Variants in MMEL1 observed in about 807,000 individuals in gnomAD.
MMEL1 encodes membrane metalloendopeptidase like 1, also known as membrane metallo-endopeptidase-like 1.
Under a neutral mutation model 117.1 loss-of-function variants are expected in MMEL1, and 98 were observed. The ratio of observed to expected loss-of-function variants is 0.84; its 90% CI spans 0.71 to 0.99. MMEL1 has a LOEUF of 0.99. MMEL1 is among the 50% of genes least tolerant of loss of function. MMEL1 has a pLI of 0.00. For missense variants in MMEL1, 1,014 were observed against 1,049.1 expected (o/e 0.97, Z 0.46); for synonymous variants, 390 against 415.1 (o/e 0.94, Z 0.74).
At chr1:2,594,971 G>A in intron 16 of MMEL1, 78 bp from the exon 17 acceptor site, 3 of 1,272,076 alleles carry the variant, frequency 2.4e-6, no homozygotes, top group Non-Finnish European at 3.4e-6. Flanking sequence ...CTGGGTGGTT[G>A]GGGAAGGACC....
chr1:2,626,566 A>C (rs2100966578), intron 2 of MMEL1, among the ~76,000 whole-genome samples: 1 of 152,392 alleles, frequency 6.6e-6, no homozygotes, highest in Non-Finnish European at 1.5e-5. Context: ...ATACAAAAAG[A>C]AGCAAGGGGC....
rs375267916 is a variant in MMEL1, at chr1:2,606,237, G to T, written c.750+11C>A. 1.2e-6 allele frequency: 2 copies of T among 1,609,266 alleles called. No individual in the cohort carries two copies. Among genetic ancestry groups the T allele is most frequent in the Admixed American group, 3.3e-5 (2 of 60,016 alleles). ...ACCCTGCCTACCCCTGCCCACCGGC[G>T]CGGCTCGTACGTAGATGATGTGCCG... On this transcript the variant is annotated intron_variant, in intron 8 of 23. Transcript: ENST00000378412.
chr1:2,596,654 C>T lies in MMEL1; in HGVS notation c.1308G>A (p.Trp436Ter), dbSNP rs1463695259. Residue 436 changes from tryptophan (W) to a stop codon, truncating the protein, a stop_gained, in exon 14 of 24, where the codon TGG becomes TGA. Transcript: ENST00000378412. LOFTEE classifies it high-confidence loss of function. The part of the protein sequence containing the change: ...LFGTMVEEVR[W>*]RECVGYVNSN... The stretch of plus-strand genomic sequence containing the variant: ...TGTTGACGTAGCCCACACATTCACG[C>T]CAGCGCACCTCCTCCACCATTGTGC... 1.2e-6 allele frequency: 2 copies of T among 1,613,132 alleles called. No homozygotes were observed. Among genetic ancestry groups the T allele is most frequent in the Non-Finnish European group, 1.7e-6 (2 of 1,179,838 alleles).
At position 2,632,872 on chromosome 1, in the gene MMEL1, T is replaced by C; in HGVS notation, c.-44A>G. 1.0e-6 allele frequency: 1 copy of C among 985,616 alleles called. No individual in the cohort carries two copies. Among genetic ancestry groups the C allele is most frequent in the South Asian group, 4.7e-5 (1 of 21,288 alleles). The allele number at this position is 985,616 out of a possible 1,614,324, so 61.1% of individuals were successfully genotyped here. On this transcript the variant is annotated 5_prime_UTR_variant, in exon 1 of 24. Coordinates refer to ENST00000378412, the MANE Select transcript of MMEL1 (RefSeq NM_033467.4). ...TTCCTTCAGCACAACTCACCTTTGC[T>C]CACTCAGGAGTGGCTGCCGCCCACA...
At chr1:2,597,848 G>A (rs528381609) in intron 13 of MMEL1, among the ~76,000 whole-genome samples, 5 of 152,242 alleles carry the variant, frequency 3.3e-5, no homozygotes, top group South Asian at 2.1e-4. Flanking sequence ...CCACGGGTCC[G>A]GCCCCTGCCT....
chr1:2,609,848 C>A lies in MMEL1; in HGVS notation c.293-17G>T. On this transcript the variant is annotated splice_polypyrimidine_tract_variant and intron_variant, in intron 4 of 23. Transcript: ENST00000378412. ...TCCTGGCAGCTGCTCGTCCCCATGG[C>A]GTGGAGCAGGGAGAGGGGAGACAGA... 6.3e-7 allele frequency: 1 copy of A among 1,593,410 alleles called. No homozygotes were observed.
Position 2,606,998 on chromosome 1 carries a change from T to C in MMEL1, c.607A>G (p.Met203Val). 3 of 1,613,220 alleles carry C rather than the reference T, an allele frequency of 1.9e-6. No individual in the cohort carries two copies. The highest frequency in any genetic ancestry group is 3.3e-5 in the Admixed American group (2 of 60,022). The change falls in exon 7 of 24, where the codon ATG (methionine) becomes GTG (valine). Residue 203 changes from methionine to valine, a missense_variant. Transcript: ENST00000378412. ...LEVVGGWPVA[M>V]DRWNETVGLE... ...CCTACGGTCTCGTTCCACCTGTCCATCGCCACCGGCCAGCCTCCCACCACC... is the reference window on the plus strand; with the variant it reads ...CCTACGGTCTCGTTCCACCTGTCCACCGCCACCGGCCAGCCTCCCACCACC...
At position 2,594,396 on chromosome 1, in the gene MMEL1, C is replaced by T. The variant is rs567587142; in HGVS notation, c.1736G>A (p.Arg579Gln). 2.3e-5 allele frequency: 35 copies of T among 1,551,774 alleles called. No homozygotes were observed. The highest frequency in any genetic ancestry group is 6.8e-5 in the African/African-American group (5 of 73,170). ...GGGGAGGAACTTACCAATCTGGTTT[C>T]GGTTTGGGGAGTAGAACGCATTGAC... ...AVVNAFYSPN[R>Q]NQIVFPAGIL... The change falls in exon 18 of 24, where the codon CGA becomes CAA. Residue 579 changes from arginine to glutamine, a missense_variant. Physicochemically the swap from Arg to Gln is conservative, Grantham distance 43 (BLOSUM62 1). Coordinates refer to ENST00000378412, the MANE Select transcript of MMEL1 (RefSeq NM_033467.4).
In MMEL1 at chr1:2,595,529, T is replaced by G. The variant is rs1337042619; in HGVS notation, c.1501-170A>C. On this transcript the variant is annotated intron_variant, in intron 15 of 23. Coordinates refer to ENST00000378412, the MANE Select transcript of MMEL1 (RefSeq NM_033467.4). This position sits in a 1 kb window ranked among gnomAD's most constrained non-coding sequence, Gnocchi z 4.8. ...GGGGCTCCGGGATCTGGCCCCCACC[T>G]TGCAGGCTCTGGGGAGGTTTAATGG... Among the ~76,000 whole-genome samples, 1 of 152,138 alleles carries G rather than the reference T, an allele frequency of 6.6e-6. No individual in the cohort carries two copies. Among genetic ancestry groups the G allele is most frequent in the Non-Finnish European group, 1.5e-5 (1 of 68,002 alleles).
At chr1:2,608,756 A>G (rs2100946237) in intron 6 of MMEL1, among the ~76,000 whole-genome samples, 1 of 152,254 alleles carries the variant, frequency 6.6e-6, no homozygotes, top group East Asian at 1.9e-4. Flanking sequence ...CGTAACACAC[A>G]TGTGCACACA....
chr1:2,612,286 C>CGTGCTGA lies in MMEL1; in HGVS notation c.155-83_155-82insTCAGCAC. On this transcript the variant is annotated intron_variant, in intron 2 of 23. Transcript: ENST00000378412. This position sits in a 1 kb window ranked among gnomAD's most constrained non-coding sequence, Gnocchi z 5.4. The stretch of plus-strand genomic sequence containing the variant: ...CTGGGGGCCTCCCTGGGTCAGCACG[C>CGTGCTGA]CATCTTCCCACAGTGCTGGGTGCTG... 1 of 1,188,218 alleles carries CGTGCTGA rather than the reference C, an allele frequency of 8.4e-7. No homozygotes were observed. Among genetic ancestry groups the CGTGCTGA allele is most frequent in the Non-Finnish European group, 1.2e-6 (1 of 822,654 alleles). The allele number at this position is 1,188,218 out of a possible 1,614,324, so 73.6% of individuals were successfully genotyped here. A position where few individuals can be genotyped will look rare whatever the true frequency, so the allele number is the denominator to read the frequency against.
At chr1:2,618,955 C>T (rs1645246969) in intron 2 of MMEL1, among the ~76,000 whole-genome samples, 1 of 152,198 alleles carries the variant, frequency 6.6e-6, no homozygotes, top group African/African-American at 2.4e-5. Flanking sequence ...GGCCATGTGA[C>T]TCCGTAGTTG....
At chr1:2,611,887 A>C (rs1645135585) in intron 3 of MMEL1, among the ~76,000 whole-genome samples, 1 of 152,042 alleles carries the variant, frequency 6.6e-6, no homozygotes, top group Non-Finnish European at 1.5e-5. Flanking sequence ...CAGCTGGTGG[A>C]ATTGAATGTG....
At chr1:2,608,713 T>C (rs1645071863) in intron 6 of MMEL1, among the ~76,000 whole-genome samples, 1 of 151,768 alleles carries the variant, frequency 6.6e-6, no homozygotes, top group African/African-American at 2.4e-5. Context: ...ATAATACACA[T>C]ATACACTATA....
At position 2,593,806 on chromosome 1, in the gene MMEL1, C is replaced by T; in HGVS notation, c.1867+8G>A. 1 of 1,594,482 alleles carries T rather than the reference C, an allele frequency of 6.3e-7. No individual in the cohort carries two copies. Among genetic ancestry groups the T allele is most frequent in the Non-Finnish European group, 8.6e-7 (1 of 1,168,218 alleles). Reference sequence around the variant, plus strand: ...AGGGCGTGTGTGATTGGAGGGGCGGCCGCTCACCATTGTCGTCAAAGCCGT... The same window carrying T: ...AGGGCGTGTGTGATTGGAGGGGCGGTCGCTCACCATTGTCGTCAAAGCCGT... On this transcript the variant is annotated splice_region_variant and intron_variant, in intron 19 of 23. Transcript: ENST00000378412.
At chr1:2,609,520 C>T (rs1645092688) in intron 5 of MMEL1, 101 bp from the exon 6 acceptor site, 3 of 1,513,640 alleles carry the variant, frequency 2.0e-6, no homozygotes, top group Middle Eastern at 1.7e-4. Context: ...AGGCGGCCCC[C>T]CAGCTGCTGG....
chr1:2,609,952 C>T, intron 4 of MMEL1, 121 bp from the exon 5 acceptor site: 1 of 1,099,350 alleles, frequency 9.1e-7, no homozygotes, highest in East Asian at 2.5e-5. Flanking sequence ...TGCTGTCCAT[C>T]CAGTCGCAGC....
chr1:2,612,029 G>T lies in MMEL1; in HGVS notation c.232+98C>A. The T allele has an allele frequency of 9.3e-7, 1 of 1,079,088 alleles. No homozygotes were observed. The highest frequency in any genetic ancestry group is 1.4e-6 in the Non-Finnish European group (1 of 722,634). 66.8% of individuals were successfully genotyped at this position (1,079,088 alleles called of 1,614,324 possible). A position where few individuals can be genotyped will look rare whatever the true frequency, so the allele number is the denominator to read the frequency against. On this transcript the variant is annotated intron_variant, in intron 3 of 23. Coordinates refer to ENST00000378412, the MANE Select transcript of MMEL1 (RefSeq NM_033467.4). This position sits in a 1 kb window ranked among gnomAD's most constrained non-coding sequence, Gnocchi z 5.4. Reference sequence around the variant, plus strand: ...GCCCTCCTCCGGCACATGAGGGTTGGGCAGAACCCAGCCCCTGCCCCTCCA... The same window carrying T: ...GCCCTCCTCCGGCACATGAGGGTTGTGCAGAACCCAGCCCCTGCCCCTCCA...
At chr1:2,609,269 C>T (rs1320493405) in intron 6 of MMEL1, 70 bp downstream of exon 6, 13 of 1,488,660 alleles carry the variant, frequency 8.7e-6, no homozygotes, top group Admixed American at 3.8e-5. Flanking sequence ...CCTGGGGCTG[C>T]GCTAGGCCCT....
Sources: allele counts gnomAD v4.1 joint callset (sites outside exome capture counted in the v4.1 genomes callset), GRCh38; gene constraint gnomAD v4.1.1; non-coding constraint Gnocchi (gnomAD v3.1); transcripts MANE v1.5; gene names NCBI Gene and HGNC (gene_info 2026-07-23, HGNC 2026-07-21).